The following WDR70 variants were observed in gnomAD, a reference collection of about 807,000 sequenced individuals.
The protein encoded by WDR70 is WD repeat domain 70.
Under a neutral mutation model 88.6 loss-of-function variants are expected in WDR70, and 53 were observed. The ratio of observed to expected loss-of-function variants is 0.60; its 90% CI spans 0.48 to 0.75. WDR70 has a LOEUF of 0.75. Among genes scored for constraint, WDR70 ranks in the 30% least tolerant of loss-of-function variants. The pLI, the probability that WDR70 is intolerant of heterozygous loss-of-function variation, is 0.00. For synonymous variants in WDR70, 280 were observed against 270.0 expected, an observed-to-expected ratio of 1.04 and a Z score of -0.36; for missense variants, 610 against 823.2, an observed-to-expected ratio of 0.74 and a Z score of 3.17.
chr5:37,602,256 A>G (rs1449487576), intron 9 of WDR70, among the ~76,000 whole-genome samples: 1 of 152,044 alleles, frequency 6.6e-6, no homozygotes, highest in African/African-American at 2.4e-5. Context: ...TTTATTTACA[A>G]TAACATTAAA....
At chr5:37,542,915 C>T (rs1275594853) in intron 9 of WDR70, among the ~76,000 whole-genome samples, 1 of 152,170 alleles carries the variant, frequency 6.6e-6, no homozygotes, top group Non-Finnish European at 1.5e-5. Flanking sequence ...ATTAAGGGGC[C>T]ATCTCTGTTT....
intron 9 of WDR70, among the ~76,000 whole-genome samples, chr5:37,598,839 G>T (rs750041410): frequency 2.0e-5 from 3 of 152,206 alleles, no homozygotes; most frequent in Non-Finnish European, 4.4e-5. Context: ...ATAAGGATCT[G>T]CCTGGGCCTT....
chr5:37,506,089 A>G, intron 8 of WDR70: 1 of 1,256,284 alleles, frequency 8.0e-7, no homozygotes, highest in Non-Finnish European at 1.2e-6. Context: ...AGATTTGCAC[A>G]GTAAAGATTT....
intron 10 of WDR70, among the ~76,000 whole-genome samples, chr5:37,665,539 A>C (rs1483016206): frequency 6.6e-6 from 1 of 152,248 alleles, no homozygotes; most frequent in African/African-American, 2.4e-5. Context: ...TTGCCACAAC[A>C]AAGTCAGCAA....
chr5:37,454,067 A>G (rs1195185184), intron 7 of WDR70, among the ~76,000 whole-genome samples: 2 of 152,206 alleles, frequency 1.3e-5, no homozygotes, highest in African/African-American at 4.8e-5. Flanking sequence ...TAAGTCATAC[A>G]ATAGTAGTGT....
chr5:37,447,750 T>A (rs183347683), intron 7 of WDR70, among the ~76,000 whole-genome samples: 9 of 152,044 alleles, frequency 5.9e-5, no homozygotes, highest in Non-Finnish European at 1.3e-4. Context: ...GAACACATGG[T>A]CACAGGAAGG....
At chr5:37,698,997 T>C (rs1242359343) in intron 11 of WDR70, among the ~76,000 whole-genome samples, 1 of 152,176 alleles carries the variant, frequency 6.6e-6, no homozygotes, top group Non-Finnish European at 1.5e-5. Flanking sequence ...TAAAATTCTA[T>C]ATATTCTTTA....
At chr5:37,643,447 G>C (rs976881034) in intron 10 of WDR70, among the ~76,000 whole-genome samples, 2 of 151,328 alleles carry the variant, frequency 1.3e-5, no homozygotes, top group Non-Finnish European at 3.0e-5. Context: ...TTTTTGTTTA[G>C]GATAGCTTTG....
chr5:37,481,536 G>A (rs1461514458), intron 8 of WDR70, among the ~76,000 whole-genome samples: 4 of 151,938 alleles, frequency 2.6e-5, no homozygotes, highest in South Asian at 2.1e-4. Context: ...TACCTATGGC[G>A]GGAGCAGCTG....
chr5:37,708,102 CG>C (rs772113264), intron 13 of WDR70, among the ~76,000 whole-genome samples: 2 of 148,286 alleles, frequency 1.3e-5, no homozygotes, highest in Non-Finnish European at 3.0e-5. Flanking sequence ...TTCTTTGGGA[CG>C]TTTTTTAAAT....
chr5:37,439,005 A>C (rs1750569812), intron 6 of WDR70, among the ~76,000 whole-genome samples: 1 of 149,890 alleles, frequency 6.7e-6, no homozygotes, highest in Non-Finnish European at 1.5e-5. Context: ...GCAAGCTCCA[A>C]CTCCCGGGTT....
intron 3 of WDR70, among the ~76,000 whole-genome samples, chr5:37,384,443 G>A (rs1050742603): frequency 1.3e-5 from 2 of 151,560 alleles, no homozygotes; most frequent in African/African-American, 4.8e-5. Context: ...GGCGGATCAC[G>A]AGGTCAGGAG....
At chr5:37,697,833 G>A in intron 11 of WDR70, 79 bp downstream of exon 11, 6 of 1,252,122 alleles carry the variant, frequency 4.8e-6, no homozygotes, top group Non-Finnish European at 6.8e-6. Flanking sequence ...TAATATCCTA[G>A]TGCTTAGTAA....
chr5:37,689,446 C>T (rs561394731), intron 10 of WDR70, among the ~76,000 whole-genome samples: 1 of 152,314 alleles, frequency 6.6e-6, no homozygotes, highest in East Asian at 1.9e-4. Flanking sequence ...GGCCGACAGA[C>T]ACCTCATATA....
At position 37,623,696 on chromosome 5, in the gene WDR70, A is replaced by G. The variant is rs1348233397; in HGVS notation, c.1092+18458A>G. Among the ~76,000 whole-genome samples the G allele has an allele frequency of 2.6e-5, 4 of 152,242 alleles. No individual in the cohort carries two copies. The East Asian group carries it at 7.7e-4, about 29-fold the overall frequency. On this transcript the variant is annotated intron_variant, in intron 10 of 17. Transcript: ENST00000265107. Reference sequence around the variant, plus strand: ...CTCCAGGGGTGGTTCTGGTATGATAAAAATAGTACTTTGCATCACAAACTT... The same window carrying G: ...CTCCAGGGGTGGTTCTGGTATGATAGAAATAGTACTTTGCATCACAAACTT...
At chr5:37,439,588 A>T (rs1750588988) in intron 6 of WDR70, among the ~76,000 whole-genome samples, 2 of 150,820 alleles carry the variant, frequency 1.3e-5, no homozygotes, top group Non-Finnish European at 1.5e-5. Flanking sequence ...CACATTGAAA[A>T]TCAATTAGAG....
chr5:37,695,333 A>C (rs1746950347), intron 10 of WDR70, among the ~76,000 whole-genome samples: 1 of 152,192 alleles, frequency 6.6e-6, no homozygotes, highest in Admixed American at 6.5e-5. Flanking sequence ...AGAATTTGAC[A>C]TGAGATTTGG....
intron 9 of WDR70, among the ~76,000 whole-genome samples, chr5:37,530,205 A>C (rs1741438109): frequency 6.6e-6 from 1 of 152,118 alleles, no homozygotes; most frequent in Non-Finnish European, 1.5e-5. Flanking sequence ...ATGCTGTTGA[A>C]TTTGGTTCAC....
At chr5:37,706,016 G>T (rs899807831) in intron 13 of WDR70, among the ~76,000 whole-genome samples, 1 of 152,196 alleles carries the variant, frequency 6.6e-6, no homozygotes, top group Non-Finnish European at 1.5e-5. Context: ...ATTGTTTTCA[G>T]TCAGAAGATG....
Sources: gnomAD v4.1 joint callset for allele counts (sites outside exome capture counted in the v4.1 genomes callset) on GRCh38, gnomAD v4.1.1 for gene constraint, MANE v1.5 for transcripts, NCBI Gene and HGNC (gene_info 2026-07-23, HGNC 2026-07-21) for gene names.